DLG2: variants seen among roughly 807,000 people sequenced by gnomAD.
DLG2 encodes discs large MAGUK scaffold protein 2.
In DLG2, 45 loss-of-function variants were observed where a neutral mutation model predicts 132.5. The ratio of observed to expected loss-of-function variants is 0.34; its 90% confidence interval spans 0.27 to 0.44. The LOEUF is 0.44. DLG2 is among the 20% of genes least tolerant of loss of function. DLG2 has a pLI of 1.00. For missense variants in DLG2, 1,045 were observed against 1,196.9 expected, an observed-to-expected ratio of 0.87 and a Z score of 1.87; for synonymous variants, 424 against 419.6, an observed-to-expected ratio of 1.01 and a Z score of -0.13.
At chr11:83,911,383 T>G (rs1220242072) in intron 15 of DLG2, among the ~76,000 whole-genome samples, 1 of 152,172 alleles carries the variant, frequency 6.6e-6, no homozygotes, top group Non-Finnish European at 1.5e-5. Context: ...AGTTTCATAT[T>G]AGCAAAACTA....
intron 6 of DLG2, among the ~76,000 whole-genome samples, chr11:85,013,908 G>C (rs1454283150): frequency 6.6e-6 from 1 of 152,086 alleles, no homozygotes; most frequent in Non-Finnish European, 1.5e-5. Context: ...TAAAATATTA[G>C]AATGAGTGAT....
intron 17 of DLG2, among the ~76,000 whole-genome samples, chr11:83,788,734 A>G (rs1253147653): frequency 6.6e-6 from 1 of 152,228 alleles, no homozygotes; most frequent in Non-Finnish European, 1.5e-5. Flanking sequence ...CTTTTTATAA[A>G]AGAATAAAAT....
intron 9 of DLG2, among the ~76,000 whole-genome samples, chr11:84,110,067 C>A (rs1462960393): frequency 6.6e-6 from 1 of 152,146 alleles, no homozygotes; most frequent in Non-Finnish European, 1.5e-5. Flanking sequence ...TCACTTCTCT[C>A]CTTCCTTCTC....
At chr11:84,400,154 C>T (rs1418678142) in intron 7 of DLG2, among the ~76,000 whole-genome samples, 1 of 152,054 alleles carries the variant, frequency 6.6e-6, no homozygotes, top group East Asian at 1.9e-4. Flanking sequence ...AATATAAGCC[C>T]CCAGTTAGGA....
intron 17 of DLG2, chr11:83,790,172 G>A: frequency 1.1e-6 from 1 of 871,446 alleles, no homozygotes; most frequent in Non-Finnish European, 1.8e-6. Context: ...ATAACAAAAA[G>A]TTCCATTTTC....
chr11:84,812,496 C>T (rs1437257306), intron 6 of DLG2, among the ~76,000 whole-genome samples: 1 of 152,094 alleles, frequency 6.6e-6, no homozygotes, highest in African/African-American at 2.4e-5. Context: ...CACTAAAATG[C>T]TCAAATTAGT....
intron 3 of DLG2, among the ~76,000 whole-genome samples, chr11:85,526,233 T>C (rs1219818604): frequency 2.0e-5 from 3 of 151,998 alleles, no homozygotes; most frequent in Non-Finnish European, 2.9e-5. Context: ...AAGAAAACTA[T>C]ACAGAGCACT....
intron 17 of DLG2, among the ~76,000 whole-genome samples, chr11:83,816,123 TA>T (rs1447689025): frequency 5.9e-5 from 9 of 152,248 alleles, no homozygotes; most frequent in African/African-American, 2.2e-4. Context: ...GATATCTTTA[TA>T]AAAATGCAGC....
chr11:84,501,480 G>A (rs1442427837), intron 7 of DLG2, among the ~76,000 whole-genome samples: 3 of 152,174 alleles, frequency 2.0e-5, no homozygotes, highest in Non-Finnish European at 4.4e-5. Context: ...CAGGAAAATT[G>A]CTTGAACCCG....
At chr11:85,080,157 T>C (rs989811202) in intron 6 of DLG2, among the ~76,000 whole-genome samples, 5 of 152,100 alleles carry the variant, frequency 3.3e-5, no homozygotes, top group Non-Finnish European at 5.9e-5. Flanking sequence ...TGATAGTACC[T>C]GAACCAAGAG....
chr11:84,306,151 CA>C (rs61638817), intron 7 of DLG2, among the ~76,000 whole-genome samples: 18,637 of 151,292 alleles, frequency 0.12, 1,227 homozygotes, highest in East Asian at 0.24. Context: ...TTCACATGAC[CA>C]CAAAGAAATA....
At chr11:84,054,153 A>C (rs997094900) in intron 11 of DLG2, among the ~76,000 whole-genome samples, 8 of 152,044 alleles carry the variant, frequency 5.3e-5, no homozygotes, top group African/African-American at 1.9e-4. Context: ...TATGATTCCT[A>C]AGCAACAACA....
rs910983902 is a variant in DLG2, at chr11:84,236,923, G to GT, written c.573+14314dup. Among the ~76,000 whole-genome samples, 488 of 136,622 alleles carry GT rather than the reference G, an allele frequency of 3.6e-3. 2 individuals carry two copies. Among genetic ancestry groups the GT allele is most frequent in the South Asian group, 0.013 (54 of 4,226 alleles). The allele number at this position is 136,622 out of a possible 152,430, so 89.6% of individuals were successfully genotyped here. On this transcript the variant is annotated intron_variant, in intron 8 of 27. Coordinates refer to ENST00000376104, the MANE Select transcript of DLG2 (RefSeq NM_001142699.3). ...ATTCCTGGGGTTGAAGCATCAGTATGTTTTTTTTTTTGTTTTTTTTTTTGA... is the reference window on the plus strand; with the variant it reads ...ATTCCTGGGGTTGAAGCATCAGTATGTTTTTTTTTTTTGTTTTTTTTTTTGA...
chr11:83,481,419 T>C (rs575089829), intron 22 of DLG2, among the ~76,000 whole-genome samples: 26 of 152,134 alleles, frequency 1.7e-4, no homozygotes, highest in Non-Finnish European at 3.1e-4. Flanking sequence ...AAGCTCACTA[T>C]AAATAACATC....
chr11:84,321,309 C>T (rs1447657337), intron 7 of DLG2, among the ~76,000 whole-genome samples: 1 of 152,180 alleles, frequency 6.6e-6, no homozygotes, highest in Non-Finnish European at 1.5e-5. Flanking sequence ...CGCATACACC[C>T]TTGCTCTAAT....
At chr11:83,973,505 G>A (rs1295644199) in intron 12 of DLG2, among the ~76,000 whole-genome samples, 1 of 152,032 alleles carries the variant, frequency 6.6e-6, no homozygotes, top group Non-Finnish European at 1.5e-5. Flanking sequence ...AATTTTGAGA[G>A]TGAACTGTTC....
chr11:84,714,665 C>A (rs112761731), intron 6 of DLG2, among the ~76,000 whole-genome samples: 175 of 147,288 alleles, frequency 1.2e-3, no homozygotes, highest in Non-Finnish European at 2.0e-3. Flanking sequence ...CTCTCTCTCT[C>A]TCTCTCTCTG....
intron 6 of DLG2, among the ~76,000 whole-genome samples, chr11:84,749,385 G>A (rs1412071557): frequency 1.3e-5 from 2 of 152,086 alleles, no homozygotes; most frequent in African/African-American, 4.8e-5. Context: ...CCATAACAAC[G>A]TTTTGGTCAA....
intron 4 of DLG2, among the ~76,000 whole-genome samples, chr11:85,181,688 TAA>T (rs1434061187): frequency 2.0e-5 from 3 of 151,882 alleles, no homozygotes; most frequent in African/African-American, 4.8e-5. Flanking sequence ...ACATTTGTAT[TAA>T]GAGTGTACTT....
Sources: allele counts gnomAD v4.1 joint callset (sites outside exome capture counted in the v4.1 genomes callset), GRCh38; gene constraint gnomAD v4.1.1; transcripts MANE v1.5; gene names NCBI Gene and HGNC (gene_info 2026-07-23, HGNC 2026-07-21).